KLHL3: variants seen among roughly 807,000 people sequenced by gnomAD.
The protein encoded by KLHL3 is kelch like family member 3, also known as kelch-like protein 3.
Under a neutral mutation model 70.5 loss-of-function variants are expected in KLHL3, and 19 were observed. The observed-to-expected ratio is 0.27, with a 90% CI of 0.19 to 0.40. KLHL3 has a LOEUF of 0.40. KLHL3 is among the 10% of genes least tolerant of loss of function. The probability of loss-of-function intolerance (pLI) is 1.00; values close to 1 mark genes in which losing one functional copy is unlikely to be tolerated. For synonymous variants in KLHL3, 258 were observed against 290.3 expected (o/e 0.89, Z 1.13); for missense variants, 512 against 771.1 (o/e 0.66, Z 3.98).
chr5:137,731,841 T>C (rs1233978918), intron 1 of KLHL3, among the ~76,000 whole-genome samples: 1 of 152,214 alleles, frequency 6.6e-6, no homozygotes, highest in Non-Finnish European at 1.5e-5. Flanking sequence ...GGCCTGAATG[T>C]TTTTTATTGT....
chr5:137,630,046 G>C (rs1284268931), intron 12 of KLHL3: 2 of 152,198 alleles, frequency 1.3e-5, no homozygotes, highest in African/African-American at 4.8e-5. Context: ...GCCTCAGGCA[G>C]CCAAAGGCCA....
intron 5 of KLHL3, among the ~76,000 whole-genome samples, chr5:137,689,411 A>G (rs1752262599): frequency 6.6e-6 from 1 of 152,258 alleles, no homozygotes; most frequent in Non-Finnish European, 1.5e-5. Context: ...TCACAATAGC[A>G]AAGACATGCA....
At chr5:137,625,668 C>T (rs1750440257) in intron 14 of KLHL3, 85 bp downstream of exon 14, 3 of 1,516,880 alleles carry the variant, frequency 2.0e-6, no homozygotes, top group Non-Finnish European at 2.7e-6. Context: ...AGCTCACATC[C>T]CCTCATCCCA....
chr5:137,658,019 G>A lies in KLHL3; in HGVS notation c.903+112C>T. 4.8e-6 allele frequency: 5 copies of A among 1,052,228 alleles called. No homozygotes were observed. The South Asian group carries it at 7.9e-5, about 17-fold the overall frequency. The allele number at this position is 1,052,228 out of a possible 1,614,324, so 65.2% of individuals were successfully genotyped here. On this transcript the variant is annotated intron_variant, in intron 8 of 14. Transcript: ENST00000309755. The stretch of plus-strand genomic sequence containing the variant: ...AGACTCCATCTCCTAGGTTGTAAAT[G>A]CAACCAAGATGCAGGGCAGCCATGG...
rs2149872889 is a variant in KLHL3, at chr5:137,618,898, A to AAAG, written c.*3199_*3200insCTT. On this transcript the variant is annotated 3_prime_UTR_variant, in exon 15 of 15. Transcript: ENST00000309755. The stretch of plus-strand genomic sequence containing the variant: ...CTCCCTTGAATATGGTATTTTTAAA[A>AAAG]AAAAAAAAAAGGCTCATCTACCTGG... 1 of 151,900 alleles carries AAAG rather than the reference A, an allele frequency of 6.6e-6. No individual in the cohort carries two copies. Among genetic ancestry groups the AAAG allele is most frequent in the East Asian group, 1.9e-4 (1 of 5,184 alleles). The allele number at this position is 151,900 out of a possible 1,614,324, so 9.4% of individuals were successfully genotyped here. A position where few individuals can be genotyped will look rare whatever the true frequency, so the allele number is the denominator to read the frequency against.
At chr5:137,656,772 G>T (rs538837002) in intron 8 of KLHL3, among the ~76,000 whole-genome samples, 2 of 152,344 alleles carry the variant, frequency 1.3e-5, no homozygotes, top group East Asian at 3.9e-4. Flanking sequence ...GCACTCTCAG[G>T]TTTACAAAGG....
intron 1 of KLHL3, among the ~76,000 whole-genome samples, chr5:137,723,826 C>T (rs375927125): frequency 6.6e-5 from 10 of 152,084 alleles, no homozygotes; most frequent in African/African-American, 2.2e-4. Flanking sequence ...TCTAATGTTC[C>T]CCCATTATGT....
chr5:137,734,056 G>A (rs1753222983), intron 1 of KLHL3, among the ~76,000 whole-genome samples: 1 of 152,168 alleles, frequency 6.6e-6, no homozygotes, highest in African/African-American at 2.4e-5. Flanking sequence ...CAGGACAGGG[G>A]CAAGGACTCA....
chr5:137,734,281 C>A (rs758106292), intron 1 of KLHL3, among the ~76,000 whole-genome samples: 4 of 152,202 alleles, frequency 2.6e-5, no homozygotes, highest in Non-Finnish European at 4.4e-5. Context: ...CTGCTCACCT[C>A]TGCCCCACAC....
chr5:137,659,509 G>GT (rs1239095264), intron 7 of KLHL3, among the ~76,000 whole-genome samples: 50 of 151,798 alleles, frequency 3.3e-4, no homozygotes, highest in Admixed American at 1.6e-3. Flanking sequence ...TCCTTGGAAG[G>GT]TTTTTTTTTC....
chr5:137,672,323 A>C (rs1751779787), intron 6 of KLHL3, among the ~76,000 whole-genome samples: 1 of 152,220 alleles, frequency 6.6e-6, no homozygotes, highest in African/African-American at 2.4e-5. Context: ...CTTGCTGGAA[A>C]GGCAAGGAAT....
At chr5:137,703,198 C>T (rs1752606740) in intron 3 of KLHL3, among the ~76,000 whole-genome samples, 1 of 152,190 alleles carries the variant, frequency 6.6e-6, no homozygotes. Flanking sequence ...TTCAAGAGTC[C>T]TTATGTCACA....
intron 6 of KLHL3, among the ~76,000 whole-genome samples, chr5:137,668,422 C>A (rs528361958): frequency 2.0e-5 from 3 of 151,754 alleles, no homozygotes; most frequent in Non-Finnish European, 2.9e-5. Context: ...AACAAACAAA[C>A]AAAAAAAACC....
rs562939205 is a variant in KLHL3 at position 137,704,533 on chromosome 5, A to G, written c.241+5217T>C. Among the ~76,000 whole-genome samples the G allele has an allele frequency of 3.3e-5, 5 of 152,164 alleles. No homozygotes were observed. In the South Asian group the frequency reaches 8.3e-4, roughly 25 times the overall value. ...GAGGCCCCCACATCACCAACTCCAA[A>G]CCTCTTCTATGAACATTCATAAAAT... On this transcript the variant is annotated intron_variant, in intron 3 of 14. Coordinates refer to ENST00000309755, the MANE Select transcript of KLHL3 (RefSeq NM_017415.3).
intron 1 of KLHL3, among the ~76,000 whole-genome samples, chr5:137,728,875 G>A (rs141087672): frequency 1.3e-5 from 2 of 151,776 alleles, no homozygotes; most frequent in African/African-American, 4.8e-5. Flanking sequence ...ATAACTATTG[G>A]CTACCTGGGT....
chr5:137,687,252 G>GC (rs1561606429), intron 5 of KLHL3, among the ~76,000 whole-genome samples: 12 of 39,590 alleles, frequency 3.0e-4, no homozygotes, highest in Non-Finnish European at 4.3e-4. Context: ...GAGGCGCGGG[G>GC]GGGGGTCGGC....
At chr5:137,701,909 A>C (rs996324427) in intron 3 of KLHL3, among the ~76,000 whole-genome samples, 2 of 152,234 alleles carry the variant, frequency 1.3e-5, no homozygotes, top group African/African-American at 4.8e-5. Flanking sequence ...TCAACTGCAT[A>C]TCTTGTTAGC....
intron 3 of KLHL3, chr5:137,706,021 G>T: frequency 1.0e-6 from 1 of 985,428 alleles, no homozygotes; most frequent in Non-Finnish European, 1.2e-6. Flanking sequence ...TGGTTGGATT[G>T]GGACACTCTC....
intron 8 of KLHL3, among the ~76,000 whole-genome samples, chr5:137,653,652 G>A (rs1371787174): frequency 6.6e-6 from 1 of 152,124 alleles, no homozygotes; most frequent in Non-Finnish European, 1.5e-5. Context: ...TATTGCTGGT[G>A]GAAATGCATA....
Sources: allele counts gnomAD v4.1 joint callset (sites outside exome capture counted in the v4.1 genomes callset), GRCh38; gene constraint gnomAD v4.1.1; transcripts MANE v1.5; gene names NCBI Gene and HGNC (gene_info 2026-07-23, HGNC 2026-07-21).